Variants in KCNJ6 observed in about 807,000 individuals in gnomAD.
The protein encoded by KCNJ6 is G protein-activated inward rectifier potassium channel 2.
In KCNJ6, 9 loss-of-function variants were observed where a neutral mutation model predicts 34.2. That is an observed-to-expected ratio of 0.26 (90% CI 0.16 to 0.46). The LOEUF is 0.46. Among genes scored for constraint, KCNJ6 ranks in the 20% least tolerant of loss-of-function variants. The pLI, the probability that KCNJ6 is intolerant of heterozygous loss-of-function variation, is 1.00. For missense variants in KCNJ6, 236 were observed against 531.3 expected (o/e 0.44, Z 5.46); for synonymous variants, 196 against 207.1 (o/e 0.95, Z 0.46).
intron 3 of KCNJ6, among the ~76,000 whole-genome samples, chr21:37,679,379 T>C (rs1299686984): frequency 6.6e-6 from 1 of 152,236 alleles, no homozygotes; most frequent in Non-Finnish European, 1.5e-5. Context: ...ACAAGTTAAT[T>C]CACTCTCCTG....
chr21:37,783,352 T>C (rs538806759), intron 2 of KCNJ6, among the ~76,000 whole-genome samples: 66 of 152,306 alleles, frequency 4.3e-4, no homozygotes, highest in African/African-American at 1.6e-3. Context: ...ATAATTTGAA[T>C]CACAGGGATG....
At chr21:37,638,240 G>A (rs149882280) in intron 3 of KCNJ6, among the ~76,000 whole-genome samples, 1 of 152,264 alleles carries the variant, frequency 6.6e-6, no homozygotes, top group African/African-American at 2.4e-5. Context: ...TCTGCCTCCT[G>A]GGTTCAAGTG....
At chr21:37,831,011 G>A (rs1194299069) in intron 2 of KCNJ6, among the ~76,000 whole-genome samples, 1 of 152,158 alleles carries the variant, frequency 6.6e-6, no homozygotes. Flanking sequence ...GTCCCACCCT[G>A]AGGGACATGG....
At chr21:37,890,774 A>G (rs1486488621) in intron 1 of KCNJ6, among the ~76,000 whole-genome samples, 4 of 152,128 alleles carry the variant, frequency 2.6e-5, no homozygotes, top group African/African-American at 7.2e-5. Context: ...AGTGCATCAC[A>G]TCGGTACAAT....
intron 2 of KCNJ6, among the ~76,000 whole-genome samples, chr21:37,832,875 G>C (rs1207995277): frequency 6.6e-6 from 1 of 152,184 alleles, no homozygotes; most frequent in Non-Finnish European, 1.5e-5. Context: ...CATGGCTCAA[G>C]CTTTCATCAG....
intron 1 of KCNJ6, among the ~76,000 whole-genome samples, chr21:37,869,051 T>C (rs1323345692): frequency 6.6e-6 from 1 of 152,234 alleles, no homozygotes; most frequent in Non-Finnish European, 1.5e-5. Context: ...AGCCAGGCTT[T>C]GTGGATCCCT....
At chr21:37,711,854 GT>G (rs1280777240) in intron 3 of KCNJ6, among the ~76,000 whole-genome samples, 2 of 151,104 alleles carry the variant, frequency 1.3e-5, no homozygotes, top group African/African-American at 4.9e-5. Flanking sequence ...ATGAGTAGCA[GT>G]TGCCTTTTCC....
At chr21:37,653,154 G>GCAA (rs962471408) in intron 3 of KCNJ6, among the ~76,000 whole-genome samples, 1 of 152,066 alleles carries the variant, frequency 6.6e-6, no homozygotes, top group Non-Finnish European at 1.5e-5. Flanking sequence ...CTCCAGTGAT[G>GCAA]CAACAACAAC....
At chr21:37,847,914 G>T (rs1568870358) in intron 1 of KCNJ6, among the ~76,000 whole-genome samples, 1 of 152,200 alleles carries the variant, frequency 6.6e-6, no homozygotes, top group African/African-American at 2.4e-5. Context: ...GAAGAAGAGT[G>T]ATGGGAGAGG....
intron 1 of KCNJ6, among the ~76,000 whole-genome samples, chr21:37,864,595 A>C (rs928213857): frequency 9.2e-5 from 14 of 152,152 alleles, no homozygotes; most frequent in African/African-American, 3.4e-4. Flanking sequence ...TTCAAATACA[A>C]AGCTTTGAAG....
chr21:37,700,869 CAT>C (rs1015530391), intron 3 of KCNJ6, among the ~76,000 whole-genome samples: 2 of 152,102 alleles, frequency 1.3e-5, no homozygotes, highest in African/African-American at 4.8e-5. Context: ...TGCTCATTTG[CAT>C]AAGAGAGCCT....
chr21:37,754,680 G>A (rs753140155), intron 2 of KCNJ6, among the ~76,000 whole-genome samples: 26 of 152,230 alleles, frequency 1.7e-4, no homozygotes, highest in Non-Finnish European at 3.4e-4. Flanking sequence ...TTGCAAACAG[G>A]AACTGCAGCA....
intron 2 of KCNJ6, among the ~76,000 whole-genome samples, chr21:37,729,210 T>G (rs1176870962): frequency 1.3e-5 from 2 of 152,214 alleles, no homozygotes; most frequent in Non-Finnish European, 2.9e-5. Context: ...AACACTGATG[T>G]TGGCTGCCCA....
At chr21:37,840,786 A>C in intron 1 of KCNJ6, 77 bp from the exon 2 acceptor site, 2 of 766,612 alleles carry the variant, frequency 2.6e-6, no homozygotes, top group Non-Finnish European at 4.4e-6. Flanking sequence ...ATTTACAGCT[A>C]TATCTCTCTT....
chr21:37,786,900 G>A (rs1394546984), intron 2 of KCNJ6, among the ~76,000 whole-genome samples: 2 of 152,164 alleles, frequency 1.3e-5, no homozygotes, highest in Non-Finnish European at 2.9e-5. Flanking sequence ...AGCTATGATT[G>A]TTTAGAGTTA....
At chr21:37,729,127 A>G (rs2054870686) in intron 2 of KCNJ6, among the ~76,000 whole-genome samples, 1 of 145,164 alleles carries the variant, frequency 6.9e-6, no homozygotes. Context: ...AAAGGGTCCT[A>G]TTAGCATTTT....
intron 3 of KCNJ6, among the ~76,000 whole-genome samples, chr21:37,709,962 C>G (rs2054742679): frequency 6.6e-6 from 1 of 152,130 alleles, no homozygotes; most frequent in African/African-American, 2.4e-5. Context: ...GCCTCCTTGT[C>G]TATAAAGTGT....
chr21:37,779,307 C>G (rs2055157993), intron 2 of KCNJ6, among the ~76,000 whole-genome samples: 1 of 152,064 alleles, frequency 6.6e-6, no homozygotes, highest in South Asian at 2.1e-4. Flanking sequence ...CCACTGGATT[C>G]CAAGCTTTGT....
rs1231831176 is a variant in KCNJ6, at chr21:37,611,520, A to G, written c.*13639T>C. On this transcript the variant is annotated 3_prime_UTR_variant, in exon 4 of 4. Transcript: ENST00000609713. Reference sequence around the variant, plus strand: ...GAATCCAGCATCACCTTAATACCAAAACCAGACAAAGACATTACAAGAAAA... The same window carrying G: ...GAATCCAGCATCACCTTAATACCAAGACCAGACAAAGACATTACAAGAAAA... The G allele has an allele frequency of 6.6e-6, 1 of 152,236 alleles. No individual in the cohort carries two copies. Among genetic ancestry groups the G allele is most frequent in the African/African-American group, 2.4e-5 (1 of 41,464 alleles). The allele number at this position is 152,236 out of a possible 1,614,324, so 9.4% of individuals were successfully genotyped here. A position where few individuals can be genotyped will look rare whatever the true frequency, so the allele number is the denominator to read the frequency against.
Sources: gnomAD v4.1 joint callset for allele counts (sites outside exome capture counted in the v4.1 genomes callset) on GRCh38, gnomAD v4.1.1 for gene constraint, MANE v1.5 for transcripts, NCBI Gene and HGNC (gene_info 2026-07-23, HGNC 2026-07-21) for gene names.